Variants in OCA2 observed in about 807,000 individuals in gnomAD.
OCA2 encodes the protein P protein.
OCA2 carries 77 observed loss-of-function variants against 100.2 expected under a neutral mutation model. The observed-to-expected ratio is 0.77, with a 90% CI of 0.64 to 0.93. OCA2 has a LOEUF of 0.93. Ranked by LOEUF, OCA2 falls within the 40% of genes least tolerant of loss-of-function variation. The pLI, the probability that OCA2 is intolerant of heterozygous loss-of-function variation, is 0.00. For synonymous variants in OCA2, 432 were observed against 439.2 expected, an observed-to-expected ratio of 0.98 and a Z score of 0.21; for missense variants, 1,062 against 1,089.1, an observed-to-expected ratio of 0.98 and a Z score of 0.35.
intron 14 of OCA2, 75 bp downstream of exon 14, chr15:27,983,270 G>A (rs2041226475): frequency 6.4e-6 from 10 of 1,568,160 alleles, no homozygotes; most frequent in Middle Eastern, 2.0e-4. Flanking sequence ...TAACAAAGGC[G>A]TCCATGTGGG....
intron 1 of OCA2, among the ~76,000 whole-genome samples, chr15:28,094,788 C>A (rs1370341980): frequency 1.3e-5 from 2 of 152,200 alleles, no homozygotes; most frequent in African/African-American, 4.8e-5. Context: ...AACGCCCCGC[C>A]GTGCCGTGGC....
chr15:27,969,709 AATCAG>A (rs1448430895), intron 14 of OCA2, among the ~76,000 whole-genome samples: 2 of 152,198 alleles, frequency 1.3e-5, no homozygotes, highest in African/African-American at 2.4e-5. Flanking sequence ...AGGAACCCTC[AATCAG>A]ATCAGAACAT....
intron 19 of OCA2, among the ~76,000 whole-genome samples, chr15:27,911,408 T>C (rs1405066002): frequency 6.6e-6 from 1 of 152,072 alleles, no homozygotes; most frequent in Non-Finnish European, 1.5e-5. Context: ...TGAGACCCTG[T>C]CTCAAGAAGA....
chr15:28,059,920 C>G (rs894769479), intron 2 of OCA2, among the ~76,000 whole-genome samples: 1 of 152,240 alleles, frequency 6.6e-6, no homozygotes, highest in Non-Finnish European at 1.5e-5. Context: ...TGTACACATT[C>G]ATTCAAGCCA....
At chr15:27,737,143 A>T in the OCA2 span, among the ~76,000 whole-genome samples, 1 of 152,204 alleles carries the variant, frequency 6.6e-6, no homozygotes, top group Non-Finnish European at 1.5e-5. Flanking sequence ...TCTAGTGAAA[A>T]ATATGCATGG....
At chr15:27,898,377 C>T (rs1183278825) in intron 19 of OCA2, among the ~76,000 whole-genome samples, 1 of 152,184 alleles carries the variant, frequency 6.6e-6, no homozygotes, top group Non-Finnish European at 1.5e-5. Context: ...ATGGGACTCT[C>T]CTGCACTGTT....
chr15:27,823,750 C>T (rs1288576267), intron 23 of OCA2, among the ~76,000 whole-genome samples: 1 of 152,194 alleles, frequency 6.6e-6, no homozygotes, highest in East Asian at 1.9e-4. Flanking sequence ...CACAGCACTG[C>T]TAATTGTCTT....
intron 15 of OCA2, among the ~76,000 whole-genome samples, chr15:27,963,558 T>A (rs1370209309): frequency 6.6e-6 from 1 of 152,082 alleles, no homozygotes; most frequent in Non-Finnish European, 1.5e-5. Flanking sequence ...CATTATAAGA[T>A]AATTTGAACT....
At chr15:28,061,702 C>T (rs1408974958) in intron 2 of OCA2, among the ~76,000 whole-genome samples, 1 of 152,208 alleles carries the variant, frequency 6.6e-6, no homozygotes, top group East Asian at 1.9e-4. Flanking sequence ...TTCCCAGCCT[C>T]CAGAACTATG....
intron 19 of OCA2, among the ~76,000 whole-genome samples, chr15:27,913,875 G>GAA (rs1567097980): frequency 3.8e-5 from 2 of 52,648 alleles, no homozygotes; most frequent in African/African-American, 9.7e-5. Flanking sequence ...AAGAAAGAAA[G>GAA]AAAGAAAGAA....
chr15:27,918,942 G>T (rs923185137), intron 19 of OCA2, among the ~76,000 whole-genome samples: 2 of 152,148 alleles, frequency 1.3e-5, no homozygotes, highest in Non-Finnish European at 2.9e-5. Flanking sequence ...AATTGCCTAG[G>T]TTAGTACAGA....
In OCA2 at chr15:27,804,453, T is replaced by C. The variant is rs995417045; in HGVS notation, c.2432+40506A>G. Among the ~76,000 whole-genome samples, 6 of 152,144 alleles carry C rather than the reference T, an allele frequency of 3.9e-5. 1 individual carries two copies. Among genetic ancestry groups the C allele is most frequent in the Admixed American group, 2.6e-4 (4 of 15,272 alleles). ...GAAAAAAGTTGCCCAGTTTGTGAAG[T>C]AGAAAGACAGAATGGCCCTATTTCG... On this transcript the variant is annotated intron_variant, in intron 23 of 23. Transcript: ENST00000354638.
chr15:27,873,605 G>A (rs1193205277), intron 19 of OCA2, among the ~76,000 whole-genome samples: 2 of 152,104 alleles, frequency 1.3e-5, no homozygotes, highest in Admixed American at 6.5e-5. Context: ...ACAGAGTATG[G>A]TGTGCACCTC....
At chr15:27,774,801 G>C (rs1161008381) in intron 23 of OCA2, among the ~76,000 whole-genome samples, 1 of 152,158 alleles carries the variant, frequency 6.6e-6, no homozygotes, top group Admixed American at 6.5e-5. Context: ...CGGACGCACA[G>C]AGGAAAGACC....
chr15:27,729,963 A>G, the OCA2 span, among the ~76,000 whole-genome samples: 28 of 152,200 alleles, frequency 1.8e-4, no homozygotes, highest in Non-Finnish European at 1.5e-5. Flanking sequence ...AACACCAACA[A>G]ATTATTTAAC....
chr15:27,850,278 C>T (rs1247401830), intron 22 of OCA2, among the ~76,000 whole-genome samples: 2 of 152,150 alleles, frequency 1.3e-5, no homozygotes, highest in African/African-American at 4.8e-5. Flanking sequence ...CAGGACGTGT[C>T]AGTCTATGCT....
rs138312419 is a variant in OCA2 at position 27,800,550 on chromosome 15, A to T, written c.2432+44409T>A. Among the ~76,000 whole-genome samples the T allele has an allele frequency of 1.5e-4, 23 of 152,336 alleles. 1 individual carries two copies. The highest frequency in any genetic ancestry group is 3.4e-3 in the Middle Eastern group (1 of 294). On this transcript the variant is annotated intron_variant, in intron 23 of 23. Transcript: ENST00000354638. ...GATATTAAAAGGATAATAAGTAAAT[A>T]ATATGAACTATTTCATGTGAACAAA...
intron 1 of OCA2, among the ~76,000 whole-genome samples, chr15:28,095,926 G>A (rs1218775692): frequency 6.6e-6 from 1 of 152,138 alleles, no homozygotes; most frequent in African/African-American, 2.4e-5. Flanking sequence ...ACAAAGCGCT[G>A]CTTGGCCCCA....
intron 2 of OCA2, among the ~76,000 whole-genome samples, chr15:28,059,520 G>A (rs1253025017): frequency 1.3e-5 from 2 of 152,150 alleles, no homozygotes; most frequent in South Asian, 2.1e-4. Context: ...CAACCTGAGC[G>A]ACAGAGCAAG....
Sources: allele counts gnomAD v4.1 joint callset (sites outside exome capture counted in the v4.1 genomes callset), GRCh38; gene constraint gnomAD v4.1.1; transcripts MANE v1.5; gene names NCBI Gene and HGNC (gene_info 2026-07-23, HGNC 2026-07-21).